FLT1: variants seen among roughly 807,000 people sequenced by gnomAD.
FLT1 encodes the protein vascular endothelial growth factor receptor 1.
A neutral mutation model predicts 156.3 loss-of-function variants in FLT1; 49 were observed. The observed-to-expected ratio is 0.31, with a 90% CI of 0.25 to 0.40. The LOEUF is 0.40. FLT1 is among the 10% of genes least tolerant of loss of function. The probability of loss-of-function intolerance (pLI) is 1.00; values close to 1 mark genes in which losing one functional copy is unlikely to be tolerated. For synonymous variants in FLT1, 594 were observed against 583.8 expected (o/e 1.02, Z -0.25); for missense variants, 1,322 against 1,637.2 (o/e 0.81, Z 3.32).
intron 10 of FLT1, among the ~76,000 whole-genome samples, chr13:28,421,387 G>A (rs1388766754): frequency 4.6e-5 from 7 of 152,200 alleles, no homozygotes; most frequent in African/African-American, 7.2e-5. Context: ...CTGCAGAAGA[G>A]CAAATAAAGC....
intron 12 of FLT1, 46 bp from the exon 13 acceptor site, chr13:28,390,150 T>A (rs867176509): frequency 2.5e-6 from 4 of 1,597,556 alleles, no homozygotes; most frequent in Middle Eastern, 3.3e-4. Context: ...AAAATCAGTG[T>A]CTTTTAATGA....
chr13:28,389,487 G>A, intron 13 of FLT1: 1 of 1,406,312 alleles, frequency 7.1e-7, no homozygotes, highest in South Asian at 1.7e-5. Context: ...GCAGTGCAGG[G>A]ATCCTCCAAA....
intron 10 of FLT1, among the ~76,000 whole-genome samples, chr13:28,424,704 G>A (rs1480866388): frequency 6.6e-6 from 1 of 152,136 alleles, no homozygotes; most frequent in Non-Finnish European, 1.5e-5. Context: ...CCTTTCACTA[G>A]AGCCTAAAAT....
intron 15 of FLT1, among the ~76,000 whole-genome samples, chr13:28,347,496 G>A (rs1872607770): frequency 6.6e-6 from 1 of 151,894 alleles, no homozygotes; most frequent in African/African-American, 2.4e-5. Flanking sequence ...ACTCCATCCT[G>A]GGTGACAGAG....
In FLT1 at chr13:28,302,552, T is replaced by C. The variant is rs1870556799; in HGVS notation, c.*615A>G. On this transcript the variant is annotated 3_prime_UTR_variant, in exon 30 of 30. Coordinates refer to ENST00000282397, the MANE Select transcript of FLT1 (RefSeq NM_002019.4). ...CTGCTCCTGGCTGGGCCCTCAAATG[T>C]AGAAGGGTCAGAGCTGGGAAGCCAC... 2 of 233,336 alleles carry C rather than the reference T, an allele frequency of 8.6e-6. No homozygotes were observed. Among genetic ancestry groups the C allele is most frequent in the South Asian group, 3.6e-4 (2 of 5,530 alleles). The allele number at this position is 233,336 out of a possible 1,614,324, so 14.5% of individuals were successfully genotyped here. A position where few individuals can be genotyped will look rare whatever the true frequency, so the allele number is the denominator to read the frequency against.
chr13:28,385,634 C>T, intron 13 of FLT1: 1 of 1,015,550 alleles, frequency 9.8e-7, no homozygotes, highest in Non-Finnish European at 1.2e-6. Flanking sequence ...ATTCAAGAGG[C>T]AGAGGCACAG....
chr13:28,341,821 T>C (rs1872344112), intron 16 of FLT1, among the ~76,000 whole-genome samples: 3 of 152,190 alleles, frequency 2.0e-5, no homozygotes, highest in Admixed American at 2.0e-4. Context: ...TTTCACAGAA[T>C]TTTAGAAATA....
At chr13:28,333,797 AT>A (rs1415241273) in intron 18 of FLT1, among the ~76,000 whole-genome samples, 3 of 152,294 alleles carry the variant, frequency 2.0e-5, no homozygotes, top group African/African-American at 7.2e-5. Context: ...GACAGAGATC[AT>A]TTTCCTATGG....
chr13:28,452,765 A>G (rs1879021136), intron 3 of FLT1, among the ~76,000 whole-genome samples: 2 of 152,058 alleles, frequency 1.3e-5, no homozygotes, highest in South Asian at 4.2e-4. Flanking sequence ...TAAATATTTA[A>G]GTCCTTTCAA....
chr13:28,424,046 G>A (rs1877172258), intron 10 of FLT1, among the ~76,000 whole-genome samples: 1 of 151,812 alleles, frequency 6.6e-6, no homozygotes, highest in South Asian at 2.1e-4. Context: ...CACCTCCCAG[G>A]TTCAAGCAAT....
chr13:28,317,328 C>T (rs568986751), intron 25 of FLT1, among the ~76,000 whole-genome samples, 170 bp downstream of exon 25: 1 of 152,368 alleles, frequency 6.6e-6, no homozygotes, highest in Non-Finnish European at 1.5e-5. Flanking sequence ...CAAGAAAACA[C>T]TCCCAGCATA....
chr13:28,487,870 C>T (rs1881252303), intron 1 of FLT1, among the ~76,000 whole-genome samples: 2 of 151,922 alleles, frequency 1.3e-5, no homozygotes, highest in Non-Finnish European at 2.9e-5. Flanking sequence ...ACCTTGATCT[C>T]GCCACCCATG....
chr13:28,388,601 A>C (rs1874513517), intron 13 of FLT1: 1 of 1,055,646 alleles, frequency 9.5e-7, no homozygotes, highest in East Asian at 5.3e-5. Flanking sequence ...TCTTGATTTA[A>C]AACTGGTGTG....
In FLT1 at chr13:28,300,978, T is replaced by A; in HGVS notation, c.*2189A>T. On this transcript the variant is annotated 3_prime_UTR_variant, in exon 30 of 30. Transcript: ENST00000282397. ...ACTCCAGATGGAACCATTCTTTGACTGATGGATGGACTCATGTATGCTACA... is the reference window on the plus strand; with the variant it reads ...ACTCCAGATGGAACCATTCTTTGACAGATGGATGGACTCATGTATGCTACA... 4.3e-6 allele frequency: 1 copy of A among 232,956 alleles called. No individual in the cohort carries two copies. The highest frequency in any genetic ancestry group is 6.1e-5 in the East Asian group (1 of 16,500). The allele number at this position is 232,956 out of a possible 1,614,324, so 14.4% of individuals were successfully genotyped here. A position where few individuals can be genotyped will look rare whatever the true frequency, so the allele number is the denominator to read the frequency against.
At chr13:28,398,957 T>C in intron 11 of FLT1, 1 of 915,012 alleles carries the variant, frequency 1.1e-6, no homozygotes, top group East Asian at 2.6e-5. Context: ...CCTTTTCTTA[T>C]TTTGATGATG....
intron 11 of FLT1, among the ~76,000 whole-genome samples, chr13:28,403,813 G>A (rs909363879): frequency 2.0e-5 from 3 of 152,164 alleles, no homozygotes; most frequent in Non-Finnish European, 4.4e-5. Context: ...GGAAGCCAAG[G>A]CAGGCGGATC....
At chr13:28,335,844 C>T (rs1157054327) in intron 17 of FLT1, among the ~76,000 whole-genome samples, 1 of 152,152 alleles carries the variant, frequency 6.6e-6, no homozygotes, top group Non-Finnish European at 1.5e-5. Context: ...TGGGGACCCT[C>T]GATTTGAAAT....
At chr13:28,455,048 G>C (rs1030576458) in intron 3 of FLT1, among the ~76,000 whole-genome samples, 2 of 152,094 alleles carry the variant, frequency 1.3e-5, no homozygotes, top group Non-Finnish European at 2.9e-5. Flanking sequence ...GGATAAAAAG[G>C]TTCAATATTG....
chr13:28,322,580 A>C lies in FLT1; in HGVS notation c.2953+210T>G. The C allele has an allele frequency of 1.4e-6, 1 of 728,252 alleles. No individual in the cohort carries two copies. The highest frequency in any genetic ancestry group is 2.4e-6 in the Non-Finnish European group (1 of 411,256). The allele number at this position is 728,252 out of a possible 1,614,324, so 45.1% of individuals were successfully genotyped here. ...GCAGGGGGATGATCCATTAAGATGAAAATCCCTGAGGGGAGAAAACGGTAC... is the reference window on the plus strand; with the variant it reads ...GCAGGGGGATGATCCATTAAGATGACAATCCCTGAGGGGAGAAAACGGTAC... On this transcript the variant is annotated intron_variant, in intron 21 of 29. Transcript: ENST00000282397. This position sits in a 1 kb window ranked among gnomAD's most constrained non-coding sequence, Gnocchi z 4.3.
Sources: allele counts gnomAD v4.1 joint callset (sites outside exome capture counted in the v4.1 genomes callset), GRCh38; gene constraint gnomAD v4.1.1; non-coding constraint Gnocchi (gnomAD v3.1); transcripts MANE v1.5; gene names NCBI Gene and HGNC (gene_info 2026-07-23, HGNC 2026-07-21).